RIMS1: variants seen among roughly 807,000 people sequenced by gnomAD.
RIMS1 encodes regulating synaptic membrane exocytosis 1.
Under a neutral mutation model 214.1 loss-of-function variants are expected in RIMS1, and 83 were observed. The observed-to-expected ratio is 0.39, with a 90% CI of 0.32 to 0.47. The LOEUF is 0.47. Among genes scored for constraint, RIMS1 ranks in the 20% least tolerant of loss-of-function variants. RIMS1 has a pLI of 0.99. For missense variants in RIMS1, 2,050 were observed against 2,161.8 expected, an observed-to-expected ratio of 0.95 and a Z score of 1.03; for synonymous variants, 793 against 786.8, an observed-to-expected ratio of 1.01 and a Z score of -0.13.
intron 4 of RIMS1, among the ~76,000 whole-genome samples, chr6:72,174,626 A>T (rs936785288): frequency 3.9e-5 from 6 of 152,218 alleles, no homozygotes; most frequent in Admixed American, 6.5e-5. Flanking sequence ...TAGGTAAGTG[A>T]TATTCCAACT....
chr6:72,040,038 C>T (rs886081569), intron 2 of RIMS1, among the ~76,000 whole-genome samples: 5 of 151,992 alleles, frequency 3.3e-5, no homozygotes, highest in African/African-American at 1.2e-4. Context: ...TGCAAATTAG[C>T]ATTGTTTACA....
chr6:72,307,437 A>T, intron 27 of RIMS1, 67 bp downstream of exon 27: 1 of 1,004,486 alleles, frequency 1.0e-6, no homozygotes, highest in Non-Finnish European at 1.5e-6. Flanking sequence ...ACCAGGCAGG[A>T]TTAGAAAGCA....
At chr6:71,927,282 C>G (rs1293283569) in intron 1 of RIMS1, among the ~76,000 whole-genome samples, 2 of 152,132 alleles carry the variant, frequency 1.3e-5, no homozygotes, top group Non-Finnish European at 2.9e-5. Context: ...CAGAGTTACT[C>G]TGAAGGATAA....
At chr6:72,293,185 G>A (rs2093645853) in intron 26 of RIMS1, among the ~76,000 whole-genome samples, 1 of 151,896 alleles carries the variant, frequency 6.6e-6, no homozygotes, top group Non-Finnish European at 1.5e-5. Context: ...TAAACTCTGA[G>A]TTTATATTTT....
chr6:72,300,303 C>T (rs1451690395), intron 26 of RIMS1, among the ~76,000 whole-genome samples: 1 of 151,690 alleles, frequency 6.6e-6, no homozygotes, highest in Non-Finnish European at 1.5e-5. Context: ...GCAAGAGAGA[C>T]CTAATTGAGG....
At chr6:72,263,085 A>G (rs2078792747) in intron 19 of RIMS1, 1 of 980,292 alleles carries the variant, frequency 1.0e-6, no homozygotes, top group Non-Finnish European at 1.2e-6. Context: ...TTTTCCAAAA[A>G]TATGAAAACT....
At chr6:72,243,576 A>G (rs2067977433) in intron 10 of RIMS1, among the ~76,000 whole-genome samples, 1 of 151,814 alleles carries the variant, frequency 6.6e-6, no homozygotes, top group South Asian at 2.1e-4. Flanking sequence ...AAATTGGAAA[A>G]TGAATCAAAA....
intron 3 of RIMS1, among the ~76,000 whole-genome samples, chr6:72,098,751 G>A (rs989205371): frequency 5.9e-5 from 9 of 151,966 alleles, no homozygotes; most frequent in African/African-American, 2.2e-4. Flanking sequence ...CTAAAATCTA[G>A]GTCTTTATGA....
chr6:72,280,662 C>T (rs916499643), intron 23 of RIMS1, among the ~76,000 whole-genome samples: 1 of 151,888 alleles, frequency 6.6e-6, no homozygotes, highest in East Asian at 1.9e-4. Context: ...AAAAAAGGGG[C>T]ATCCTCAATA....
intron 4 of RIMS1, among the ~76,000 whole-genome samples, chr6:72,122,045 T>C (rs1211693843): frequency 2.0e-5 from 3 of 151,830 alleles, no homozygotes; most frequent in African/African-American, 7.2e-5. Context: ...TGCTGCTGGA[T>C]TTGGTTTGCC....
chr6:72,040,772 G>C (rs1821223665), intron 2 of RIMS1, among the ~76,000 whole-genome samples: 1 of 151,624 alleles, frequency 6.6e-6, no homozygotes. Flanking sequence ...CCATTTTATT[G>C]TTTCACTTTA....
At chr6:72,357,159 T>G (rs1360895951) in intron 29 of RIMS1, among the ~76,000 whole-genome samples, 1 of 152,210 alleles carries the variant, frequency 6.6e-6, no homozygotes, top group Non-Finnish European at 1.5e-5. Flanking sequence ...GAATAAAGAT[T>G]ATTTTCCATG....
At position 71,958,643 on chromosome 6, in the gene RIMS1, A is replaced by G. The variant is rs565539575; in HGVS notation, c.165-10340A>G. Among the ~76,000 whole-genome samples the G allele has an allele frequency of 1.5e-3, 233 of 152,214 alleles. No individual in the cohort carries two copies. The Middle Eastern group carries it at 0.027, about 18-fold the overall frequency. ...GACTTAGGAAATAAGATATAATAGG[A>G]ATTGTGAATTTTTGGTAGATACAGA... On this transcript the variant is annotated intron_variant, in intron 1 of 33. Coordinates refer to ENST00000521978, the MANE Select transcript of RIMS1 (RefSeq NM_014989.7).
chr6:72,397,538 T>C (rs2098792828), intron 31 of RIMS1, among the ~76,000 whole-genome samples: 1 of 152,220 alleles, frequency 6.6e-6, no homozygotes, highest in Admixed American at 6.5e-5. Context: ...CATGGAATTT[T>C]TGGATGTCCA....
intron 29 of RIMS1, among the ~76,000 whole-genome samples, chr6:72,340,169 T>C (rs1278872750): frequency 1.3e-5 from 2 of 152,130 alleles, no homozygotes; most frequent in African/African-American, 4.8e-5. Flanking sequence ...GAGTTCATTG[T>C]AGATTCTGGA....
At chr6:72,113,113 T>G (rs527293015) in intron 4 of RIMS1, among the ~76,000 whole-genome samples, 1 of 152,280 alleles carries the variant, frequency 6.6e-6, no homozygotes, top group Non-Finnish European at 1.5e-5. Flanking sequence ...CACAGGGCAG[T>G]GTGCAGAGTC....
intron 29 of RIMS1, among the ~76,000 whole-genome samples, chr6:72,370,264 T>A (rs1036340007): frequency 2.0e-5 from 3 of 152,100 alleles, no homozygotes; most frequent in African/African-American, 7.2e-5. Context: ...AAAGTACAAT[T>A]TAAGTAAGAT....
At chr6:72,209,197 C>T (rs773439509) in intron 6 of RIMS1, among the ~76,000 whole-genome samples, 6 of 152,128 alleles carry the variant, frequency 3.9e-5, no homozygotes, top group Non-Finnish European at 8.8e-5. Flanking sequence ...ATTTGGGATC[C>T]AGAGCCCCCT....
intron 2 of RIMS1, among the ~76,000 whole-genome samples, chr6:72,083,375 G>A (rs187041475): frequency 6.6e-6 from 1 of 151,836 alleles, no homozygotes; most frequent in Admixed American, 6.6e-5. Flanking sequence ...TAAAAATGCC[G>A]AAAAAATTTT....
Sources: allele counts gnomAD v4.1 joint callset (sites outside exome capture counted in the v4.1 genomes callset), GRCh38; gene constraint gnomAD v4.1.1; transcripts MANE v1.5; gene names NCBI Gene and HGNC (gene_info 2026-07-23, HGNC 2026-07-21).